The following CABIN1 variants were observed in gnomAD, a reference collection of about 807,000 sequenced individuals.
CABIN1 encodes calcineurin binding protein 1, also known as calcineurin-binding protein cabin-1.
CABIN1 carries 133 observed loss-of-function variants against 227.7 expected under a neutral mutation model. The observed-to-expected ratio is 0.58, with a 90% CI of 0.51 to 0.67. The LOEUF (loss-of-function observed/expected upper bound fraction) is 0.67. CABIN1 is among the 30% of genes least tolerant of loss of function. The pLI, the probability that CABIN1 is intolerant of heterozygous loss-of-function variation, is 0.00. For missense variants in CABIN1, 2,408 were observed against 2,852.5 expected, an observed-to-expected ratio of 0.84 and a Z score of 3.55; for synonymous variants, 1,086 against 1,155.1, an observed-to-expected ratio of 0.94 and a Z score of 1.21.
At chr22:24,128,177 T>C (rs528853737) in intron 28 of CABIN1, among the ~76,000 whole-genome samples, 2 of 152,142 alleles carry the variant, frequency 1.3e-5, no homozygotes, top group South Asian at 2.1e-4. Flanking sequence ...CTACTTTCTT[T>C]ACACACAAAC....
At chr22:24,067,613 C>T (rs2282476) in intron 16 of CABIN1, among the ~76,000 whole-genome samples, 2 of 152,098 alleles carry the variant, frequency 1.3e-5, no homozygotes, top group African/African-American at 4.8e-5. Context: ...TAACACTAGC[C>T]TTATGTTTGA....
At chr22:24,104,072 AGGGGAG>A (rs1423074293) in intron 26 of CABIN1, among the ~76,000 whole-genome samples, 1 of 152,006 alleles carries the variant, frequency 6.6e-6, no homozygotes, top group Non-Finnish European at 1.5e-5. Context: ...AGAGACTTTG[AGGGGAG>A]AGAGCTTGGG....
chr22:24,113,820 TCGTGGCCCA>T, intron 27 of CABIN1, 72 bp downstream of exon 27: 1 of 1,556,850 alleles, frequency 6.4e-7, no homozygotes, highest in Non-Finnish European at 8.8e-7. Flanking sequence ...GCCGAAGGCT[TCGTGGCCCA>T]GGGACCTTGG....
chr22:24,063,296 G>T, intron 14 of CABIN1, 150 bp downstream of exon 14: 1 of 779,676 alleles, frequency 1.3e-6, no homozygotes, highest in Non-Finnish European at 2.1e-6. Flanking sequence ...CCCGGGCACT[G>T]GGCTTGGCAT....
At chr22:24,050,772 C>A in intron 7 of CABIN1, 53 bp from the exon 8 acceptor site, 1 of 1,607,680 alleles carries the variant, frequency 6.2e-7, no homozygotes, top group Non-Finnish European at 8.5e-7. Context: ...AAAATTTCAG[C>A]CTCAGTTTTA....
At chr22:24,030,453 T>C (rs1331587638) in intron 1 of CABIN1, among the ~76,000 whole-genome samples, 1 of 152,244 alleles carries the variant, frequency 6.6e-6, no homozygotes, top group African/African-American at 2.4e-5. Flanking sequence ...ATAATGTGAA[T>C]GTGCTTTGTA....
At chr22:24,078,599 G>A (rs187437551) in intron 19 of CABIN1, among the ~76,000 whole-genome samples, 1 of 152,248 alleles carries the variant, frequency 6.6e-6, no homozygotes, top group African/African-American at 2.4e-5. Context: ...CTTTTCATAT[G>A]TTTTACTTGG....
chr22:24,114,197 AG>A (rs1443262171), intron 27 of CABIN1, among the ~76,000 whole-genome samples: 3 of 151,926 alleles, frequency 2.0e-5, no homozygotes, highest in Non-Finnish European at 4.4e-5. Context: ...TTTTTTGGGG[AG>A]GGGGGCAGAG....
intron 23 of CABIN1, among the ~76,000 whole-genome samples, chr22:24,087,986 G>A (rs1374804659): frequency 6.6e-6 from 1 of 152,228 alleles, no homozygotes; most frequent in Non-Finnish European, 1.5e-5. Context: ...TTGAGAGATA[G>A]GGAGGGGAGA....
Position 24,114,255 on chromosome 22 carries a change from C to T in CABIN1, c.4300+507C>T, listed in dbSNP as rs1022934502. The stretch of plus-strand genomic sequence containing the variant: ...GTGTGCCCAACTCTCCTGGGGGGTC[C>T]AGGCCCCCTTTATAGAAATCAGTTG... On this transcript the variant is annotated intron_variant, in intron 27 of 36. Coordinates refer to ENST00000263119, the MANE Select transcript of CABIN1 (RefSeq NM_012295.4). Among the ~76,000 whole-genome samples the T allele has an allele frequency of 2.6e-5, 4 of 152,310 alleles. No individual in the cohort carries two copies. The South Asian group carries it at 8.3e-4, about 32-fold the overall frequency.
chr22:24,012,271 G>A (rs958568947), intron 1 of CABIN1, among the ~76,000 whole-genome samples: 2 of 152,110 alleles, frequency 1.3e-5, no homozygotes, highest in African/African-American at 4.8e-5. Flanking sequence ...TAATTATAGG[G>A]ACCGAAGTTT....
rs966236510 is a variant in CABIN1 at position 24,178,512 on chromosome 22, C to A, written c.*316C>A. ...CTGCCCACACCCAGCTGGCCATATC[C>A]ACCCCTCGACGCCGGGATGAGCCGG... On this transcript the variant is annotated 3_prime_UTR_variant, in exon 37 of 37. Transcript: ENST00000263119. 7 of 405,648 alleles carry A rather than the reference C, an allele frequency of 1.7e-5. No homozygotes were observed. Among genetic ancestry groups the A allele is most frequent in the Middle Eastern group, 7.5e-4 (1 of 1,328 alleles). The allele number at this position is 405,648 out of a possible 1,614,324, so 25.1% of individuals were successfully genotyped here.
intron 1 of CABIN1, among the ~76,000 whole-genome samples, chr22:24,013,641 G>T (rs564242543): frequency 1.3e-5 from 2 of 152,098 alleles, no homozygotes; most frequent in South Asian, 4.2e-4. Context: ...TCTAGTGTTG[G>T]TACAGTATTA....
At chr22:24,055,264 C>A in intron 9 of CABIN1, 105 bp downstream of exon 9, 1 of 1,312,770 alleles carries the variant, frequency 7.6e-7, no homozygotes, top group Non-Finnish European at 1.0e-6. Context: ...AAGGGTCATG[C>A]TGATGCTCAT....
chr22:24,076,064 G>T, intron 18 of CABIN1, 105 bp from the exon 19 acceptor site: 23 of 698,398 alleles, frequency 3.3e-5, no homozygotes, highest in East Asian at 5.9e-5. Flanking sequence ...TAGTCATGTT[G>T]ATAAAGACAG....
chr22:24,054,103 GGT>G (rs2038587217), intron 8 of CABIN1, among the ~76,000 whole-genome samples: 1 of 152,218 alleles, frequency 6.6e-6, no homozygotes, highest in Admixed American at 6.5e-5. Context: ...TGCAGGGGGT[GGT>G]GTGAGAGGAG....
At chr22:24,166,591 C>T in intron 31 of CABIN1, 48 bp from the exon 32 acceptor site, 2 of 1,610,378 alleles carry the variant, frequency 1.2e-6, no homozygotes, top group Non-Finnish European at 1.7e-6. Context: ...TGACTCATTG[C>T]AGTGGAGACA....
At chr22:24,116,517 C>G (rs1169919390) in intron 27 of CABIN1, among the ~76,000 whole-genome samples, 1 of 152,180 alleles carries the variant, frequency 6.6e-6, no homozygotes, top group Non-Finnish European at 1.5e-5. Context: ...CTGCCAATGC[C>G]CAGCTTCCTT....
intron 29 of CABIN1, among the ~76,000 whole-genome samples, chr22:24,136,522 G>GTCTTTTTTTT (rs2044413985): frequency 1.3e-5 from 1 of 77,378 alleles, no homozygotes; most frequent in East Asian, 4.6e-4. Flanking sequence ...GCTAATTTTT[G>GTCTTTTTTTT]TATTTTTTTT....
Sources: allele counts gnomAD v4.1 joint callset (sites outside exome capture counted in the v4.1 genomes callset), GRCh38; gene constraint gnomAD v4.1.1; transcripts MANE v1.5; gene names NCBI Gene and HGNC (gene_info 2026-07-23, HGNC 2026-07-21).